The following TSGA10 variants were observed in gnomAD, a reference collection of about 807,000 sequenced individuals.
The protein encoded by TSGA10 is testis specific 10.
A neutral mutation model predicts 96.6 loss-of-function variants in TSGA10; 43 were observed. The observed-to-expected ratio is 0.44, with a 90% CI of 0.35 to 0.57. TSGA10 has a LOEUF of 0.57. Ranked by LOEUF, TSGA10 falls within the 20% of genes least tolerant of loss-of-function variation. TSGA10 has a pLI of 0.01. For missense variants in TSGA10, 703 were observed against 834.4 expected, an observed-to-expected ratio of 0.84 and a Z score of 1.94; for synonymous variants, 229 against 269.9, an observed-to-expected ratio of 0.85 and a Z score of 1.48.
chr2:99,006,497 T>C lies in TSGA10; in HGVS notation c.2073-8276A>G, dbSNP rs1202276499. On this transcript the variant is annotated intron_variant, in intron 20 of 20. Coordinates refer to ENST00000393483, the MANE Select transcript of TSGA10 (RefSeq NM_025244.4). ...AAAGTGGGTGAAGGATATGAACAGA[T>C]ACTTCTCAAAAGAAGACATTTATGC... is the stretch of plus-strand genomic sequence containing the variant. 7.9e-5 allele frequency among the ~76,000 whole-genome samples: 12 copies of C among 152,024 alleles called. 1 individual carries two copies. The highest frequency in any genetic ancestry group is 1.3e-4 in the Non-Finnish European group (9 of 68,016).
At chr2:99,046,097 G>C (rs2082747126) in intron 16 of TSGA10, among the ~76,000 whole-genome samples, 1 of 152,090 alleles carries the variant, frequency 6.6e-6, no homozygotes, top group Non-Finnish European at 1.5e-5. Flanking sequence ...TCTACAAAGA[G>C]ACTTAGACTC....
intron 15 of TSGA10, among the ~76,000 whole-genome samples, chr2:99,067,106 T>C (rs1357429280): frequency 1.3e-5 from 2 of 152,232 alleles, no homozygotes; most frequent in South Asian, 2.1e-4. Flanking sequence ...TTGTACACAC[T>C]ACTCTACCTA....
At chr2:99,029,668 T>C (rs2080961394) in intron 17 of TSGA10, among the ~76,000 whole-genome samples, 1 of 152,170 alleles carries the variant, frequency 6.6e-6, no homozygotes, top group Non-Finnish European at 1.5e-5. Flanking sequence ...AATTAGATGC[T>C]GAAAAAGCAT....
intron 17 of TSGA10, among the ~76,000 whole-genome samples, chr2:99,032,958 G>GACA (rs2081276791): frequency 6.6e-6 from 1 of 152,236 alleles, no homozygotes; most frequent in Non-Finnish European, 1.5e-5. Context: ...TGTGCATGAA[G>GACA]ACATGTTATG....
intron 11 of TSGA10, chr2:99,079,051 G>A (rs2087107424): frequency 3.1e-6 from 1 of 320,466 alleles, no homozygotes; most frequent in Non-Finnish European, 5.6e-6. Flanking sequence ...TTAGAATAGT[G>A]AAGGAAAGCT....
intron 10 of TSGA10, chr2:99,102,054 G>A: frequency 6.9e-7 from 1 of 1,459,238 alleles, no homozygotes; most frequent in South Asian, 1.1e-5. Flanking sequence ...TAACAAAAAG[G>A]CTTTGGATCA....
intron 2 of TSGA10, 117 bp downstream of exon 2, chr2:99,126,931 G>A: frequency 1.1e-6 from 1 of 934,968 alleles, no homozygotes; most frequent in South Asian, 1.7e-5. Flanking sequence ...AATGATTTTA[G>A]ACCCATAACA....
intron 20 of TSGA10, among the ~76,000 whole-genome samples, chr2:99,002,333 A>G (rs1047869819): frequency 7.2e-5 from 11 of 152,244 alleles, no homozygotes; most frequent in Admixed American, 1.3e-4. Flanking sequence ...CCAATATTCA[A>G]CATTCTTAAA....
At chr2:99,044,610 A>G (rs1423621779) in intron 16 of TSGA10, among the ~76,000 whole-genome samples, 5 of 152,188 alleles carry the variant, frequency 3.3e-5, no homozygotes, top group Non-Finnish European at 7.3e-5. Context: ...CAATGTCAAT[A>G]TTAGACAAAT....
chr2:99,095,730 T>G (rs1334913649), intron 10 of TSGA10, among the ~76,000 whole-genome samples: 1 of 152,182 alleles, frequency 6.6e-6, no homozygotes, highest in East Asian at 1.9e-4. Flanking sequence ...AACTTCTGAC[T>G]CTCTAGTTCA....
chr2:99,143,507 T>C (rs1298203276), intron 1 of TSGA10, among the ~76,000 whole-genome samples: 1 of 148,636 alleles, frequency 6.7e-6, no homozygotes, highest in Non-Finnish European at 1.5e-5. Context: ...TCTGTTGCCC[T>C]GTACCCAGGC....
intron 12 of TSGA10, among the ~76,000 whole-genome samples, chr2:99,073,763 T>C (rs1558925809): frequency 6.6e-6 from 1 of 152,110 alleles, no homozygotes; most frequent in African/African-American, 2.4e-5. Flanking sequence ...AATATCTTAA[T>C]GCCTTTAATA....
intron 17 of TSGA10, among the ~76,000 whole-genome samples, chr2:99,034,220 T>G (rs1447567120): frequency 6.6e-6 from 1 of 151,814 alleles, no homozygotes; most frequent in African/African-American, 2.4e-5. Flanking sequence ...CTGGCCAACA[T>G]GGTGAAATAC....
chr2:99,122,229 T>A (rs2092610202), intron 2 of TSGA10, among the ~76,000 whole-genome samples: 1 of 152,184 alleles, frequency 6.6e-6, no homozygotes, highest in African/African-American at 2.4e-5. Flanking sequence ...ATCTCAACAT[T>A]TTTTAGAATT....
chr2:99,059,995 T>A (rs59969832), intron 16 of TSGA10, among the ~76,000 whole-genome samples: 8,161 of 151,650 alleles, frequency 0.054, 408 homozygotes, highest in East Asian at 0.21. Flanking sequence ...TCCTATTTCC[T>A]TATGGCTATA....
At chr2:99,028,787 A>G (rs1047140878) in intron 17 of TSGA10, among the ~76,000 whole-genome samples, 1 of 152,050 alleles carries the variant, frequency 6.6e-6, no homozygotes, top group Non-Finnish European at 1.5e-5. Flanking sequence ...TATTGTTTCC[A>G]TTTTTGTTTT....
chr2:99,128,256 G>A (rs1015821145), intron 1 of TSGA10, among the ~76,000 whole-genome samples: 2 of 152,030 alleles, frequency 1.3e-5, no homozygotes, highest in Non-Finnish European at 2.9e-5. Context: ...CTCTAAACAA[G>A]ACACAACTCT....
At chr2:99,127,267 A>G in intron 1 of TSGA10, 91 bp from the exon 2 acceptor site, 1 of 1,029,554 alleles carries the variant, frequency 9.7e-7, no homozygotes, top group South Asian at 1.9e-5. Flanking sequence ...AATTGATAAT[A>G]TTCTTAGATT....
At chr2:99,106,666 A>G (rs2091379716) in intron 7 of TSGA10, among the ~76,000 whole-genome samples, 1 of 140,744 alleles carries the variant, frequency 7.1e-6, no homozygotes, top group Non-Finnish European at 1.5e-5. Context: ...AATTTCAACT[A>G]AAGACCTAAC....
Sources: gnomAD v4.1 joint callset for allele counts (sites outside exome capture counted in the v4.1 genomes callset) on GRCh38, gnomAD v4.1.1 for gene constraint, MANE v1.5 for transcripts, NCBI Gene and HGNC (gene_info 2026-07-23, HGNC 2026-07-21) for gene names.